Variants in MAP2 observed in about 807,000 individuals in gnomAD.
MAP2 encodes the protein microtubule-associated protein 2.
MAP2 carries 14 observed loss-of-function variants against 137.6 expected under a neutral mutation model. The ratio of observed to expected loss-of-function variants is 0.10; its 90% CI spans 0.07 to 0.16. The LOEUF (loss-of-function observed/expected upper bound fraction) is 0.16. Ranked by LOEUF, MAP2 falls within the 10% of genes least tolerant of loss-of-function variation. MAP2 has a pLI of 1.00. For missense variants in MAP2, 2,088 were observed against 2,191.5 expected, an observed-to-expected ratio of 0.95 and a Z score of 0.94; for synonymous variants, 786 against 782.3, an observed-to-expected ratio of 1.00 and a Z score of -0.08.
At chr2:209,484,802 TG>T (rs1486351072) in intron 1 of MAP2, among the ~76,000 whole-genome samples, 1 of 152,246 alleles carries the variant, frequency 6.6e-6, no homozygotes, top group Non-Finnish European at 1.5e-5. Context: ...TTAAATAACC[TG>T]GCCTTCTTGA....
At chr2:209,597,792 C>A (rs2081702046) in intron 3 of MAP2, among the ~76,000 whole-genome samples, 1 of 151,842 alleles carries the variant, frequency 6.6e-6, no homozygotes. Flanking sequence ...TCCCTCCCAT[C>A]TCTCCCCACT....
At chr2:209,727,586 A>G (rs1021551058) in intron 14 of MAP2, among the ~76,000 whole-genome samples, 1 of 152,268 alleles carries the variant, frequency 6.6e-6, no homozygotes, top group South Asian at 2.1e-4. Context: ...AAGTGTAAGC[A>G]TAATAATCCT....
chr2:209,488,091 TC>T (rs1471367936), intron 1 of MAP2, among the ~76,000 whole-genome samples: 3 of 152,314 alleles, frequency 2.0e-5, no homozygotes, highest in African/African-American at 4.8e-5. Flanking sequence ...ACTTGGTTCA[TC>T]TCAATGGGAC....
At chr2:209,627,965 A>G (rs966410198) in intron 4 of MAP2, among the ~76,000 whole-genome samples, 2 of 152,178 alleles carry the variant, frequency 1.3e-5, no homozygotes, top group African/African-American at 4.8e-5. Flanking sequence ...TCATTTGCTA[A>G]TATTACTAAT....
chr2:209,718,267 CCAAA>C (rs1437880739), intron 13 of MAP2, among the ~76,000 whole-genome samples: 3 of 152,020 alleles, frequency 2.0e-5, no homozygotes, highest in Admixed American at 6.6e-5. Context: ...CATTCACAAG[CCAAA>C]CAAAGACACA....
chr2:209,463,999 ACATGACAAATATTACAGGTGTTCAAAT>A (rs1022011331), intron 1 of MAP2, among the ~76,000 whole-genome samples: 16 of 152,152 alleles, frequency 1.1e-4, no homozygotes, highest in African/African-American at 3.9e-4. Flanking sequence ...CTAATTATAA[ACATGACAAATATTACAGGTGTTCAAAT>A]CACAGAGTTT....
At chr2:209,579,242 TTCTC>T (rs2075841150) in intron 2 of MAP2, 2 of 148,860 alleles carry the variant, frequency 1.3e-5, no homozygotes, top group East Asian at 2.0e-4. Context: ...TGAAAACTGT[TTCTC>T]TATTTAAGCG....
At chr2:209,728,605 A>T (rs1202804802) in intron 14 of MAP2, among the ~76,000 whole-genome samples, 4 of 152,218 alleles carry the variant, frequency 2.6e-5, no homozygotes, top group Non-Finnish European at 5.9e-5. Flanking sequence ...CATGAGAAAA[A>T]TACCTCATGG....
chr2:209,657,355 G>T (rs904294289), intron 5 of MAP2, among the ~76,000 whole-genome samples: 1 of 152,136 alleles, frequency 6.6e-6, no homozygotes, highest in Non-Finnish European at 1.5e-5. Flanking sequence ...TCTCCATACC[G>T]TTTTCCATAA....
chr2:209,504,119 A>C (rs927246145), intron 1 of MAP2, among the ~76,000 whole-genome samples: 1 of 150,824 alleles, frequency 6.6e-6, no homozygotes, highest in Non-Finnish European at 1.5e-5. Context: ...AAAAAGAGAG[A>C]GACTAAGCAA....
intron 1 of MAP2, among the ~76,000 whole-genome samples, chr2:209,465,321 G>C (rs1232694955): frequency 6.6e-6 from 1 of 151,978 alleles, no homozygotes; most frequent in Non-Finnish European, 1.5e-5. Flanking sequence ...ATTCAAAATA[G>C]AATAAAAAAT....
intron 1 of MAP2, among the ~76,000 whole-genome samples, chr2:209,498,388 T>C (rs6740822): frequency 0.61 from 92,579 of 152,056 alleles, 28,671 homozygotes; most frequent in Middle Eastern, 0.68. Context: ...TGAGTGCCTG[T>C]GGCTTTTCCA....
chr2:209,687,116 C>T (rs2057297819), intron 7 of MAP2, among the ~76,000 whole-genome samples: 1 of 151,066 alleles, frequency 6.6e-6, no homozygotes, highest in Non-Finnish European at 1.5e-5. Context: ...AGGCATAATG[C>T]ATTGTAGATT....
At chr2:209,547,891 G>T (rs2068397005) in intron 2 of MAP2, among the ~76,000 whole-genome samples, 1 of 152,098 alleles carries the variant, frequency 6.6e-6, no homozygotes, top group Non-Finnish European at 1.5e-5. Flanking sequence ...TCACATTTTT[G>T]ATGCTACAAT....
intron 2 of MAP2, among the ~76,000 whole-genome samples, chr2:209,575,339 G>T (rs2075153421): frequency 1.3e-5 from 2 of 151,910 alleles, no homozygotes; most frequent in African/African-American, 2.4e-5. Context: ...GGCTAACACA[G>T]TGAAACCCCG....
intron 5 of MAP2, among the ~76,000 whole-genome samples, chr2:209,655,362 T>C (rs16843394): frequency 0.033 from 5,034 of 152,302 alleles, 268 homozygotes; most frequent in African/African-American, 0.11. Context: ...TGGTGTGATT[T>C]TTAAATTAAC....
intron 11 of MAP2, among the ~76,000 whole-genome samples, chr2:209,701,762 G>T (rs888714503): frequency 7.9e-5 from 12 of 151,888 alleles, no homozygotes; most frequent in African/African-American, 2.9e-4. Flanking sequence ...TTATTGCTTT[G>T]GTGAATATTA....
At chr2:209,649,508 G>A (rs914225412) in intron 4 of MAP2, among the ~76,000 whole-genome samples, 3 of 152,094 alleles carry the variant, frequency 2.0e-5, no homozygotes, top group African/African-American at 7.2e-5. Context: ...ATCATTTATG[G>A]GTGGTATTTT....
intron 2 of MAP2, among the ~76,000 whole-genome samples, chr2:209,528,713 T>C (rs112274401): frequency 6.6e-6 from 1 of 151,780 alleles, no homozygotes; most frequent in Non-Finnish European, 1.5e-5. Context: ...TATATATATA[T>C]ACATGTATAT....
Sources: allele counts gnomAD v4.1 joint callset (sites outside exome capture counted in the v4.1 genomes callset), GRCh38; gene constraint gnomAD v4.1.1; transcripts MANE v1.5; gene names NCBI Gene and HGNC (gene_info 2026-07-23, HGNC 2026-07-21).